SYNE1: variants seen among roughly 807,000 people sequenced by gnomAD.
SYNE1 encodes nesprin-1.
Under a neutral mutation model 1,111.0 loss-of-function variants are expected in SYNE1, and 616 were observed. That is an observed-to-expected ratio of 0.55 (90% CI 0.52 to 0.59). The LOEUF (loss-of-function observed/expected upper bound fraction) is 0.59. SYNE1 is among the 20% of genes least tolerant of loss of function. The pLI, the probability that SYNE1 is intolerant of heterozygous loss-of-function variation, is 0.00. For synonymous variants in SYNE1, 3,855 were observed against 3,825.8 expected (o/e 1.01, Z -0.28); for missense variants, 10,006 against 10,417.0 (o/e 0.96, Z 1.72).
chr6:152,615,914 T>C lies in SYNE1; in HGVS notation c.67+12351A>G, dbSNP rs572514337. ...ATAAGACAAAGTCCAGAGACAGAAA[T>C]TTTCACCGGTGTTTTTGTATGCCAT... On this transcript the variant is annotated intron_variant, in intron 3 of 145. Transcript: ENST00000367255. Among the ~76,000 whole-genome samples, 17 of 152,290 alleles carry C rather than the reference T, an allele frequency of 1.1e-4. No homozygotes were observed. The South Asian group carries it at 3.5e-3, about 32-fold the overall frequency.
At chr6:152,363,330 TA>T (rs1180562941) in intron 63 of SYNE1, among the ~76,000 whole-genome samples, 14 of 148,350 alleles carry the variant, frequency 9.4e-5, no homozygotes, top group African/African-American at 1.7e-4. Context: ...CCGTCTCTAC[TA>T]AAAATACAAA....
At chr6:152,247,854 TAACACACACA>T (rs1207358716) in intron 105 of SYNE1, among the ~76,000 whole-genome samples, 87 of 133,572 alleles carry the variant, frequency 6.5e-4, no homozygotes, top group South Asian at 1.2e-3. Flanking sequence ...AGGTGTTCTT[TAACACACACA>T]CACACACACA....
rs143505528 is a variant in SYNE1 at position 152,463,315 on chromosome 6, C to T, written c.2097+38G>A. 2.0e-3 allele frequency: 3,146 copies of T among 1,611,814 alleles called. 112 individuals are homozygous for T. In the Admixed American group the frequency reaches 0.049, roughly 25 times the overall value. ...CAGACTACTTATCACATTTGTAACA[C>T]ATACACGTTGAGGTGTATATAGACT... On this transcript the variant is annotated intron_variant, in intron 19 of 145. Coordinates refer to ENST00000367255, the MANE Select transcript of SYNE1 (RefSeq NM_182961.4).
chr6:152,182,834 T>G (rs2813510), intron 128 of SYNE1, among the ~76,000 whole-genome samples: 25,650 of 152,140 alleles, frequency 0.17, 2,817 homozygotes, highest in Admixed American at 0.27. Flanking sequence ...CATGAGAAAT[T>G]TATTCTTTTG....
At chr6:152,456,802 A>G (rs1392994766) in intron 22 of SYNE1, 1 of 425,670 alleles carries the variant, frequency 2.3e-6, no homozygotes, top group Non-Finnish European at 4.7e-6. Flanking sequence ...AGTATCCTCA[A>G]CTGCGTTAGA....
chr6:152,321,968 T>C (rs1255541220), intron 82 of SYNE1, 82 bp from the exon 83 acceptor site: 7 of 1,486,316 alleles, frequency 4.7e-6, no homozygotes, highest in Non-Finnish European at 6.6e-6. Flanking sequence ...CCAATACATA[T>C]ATAGAAATGG....
At position 152,421,225 on chromosome 6, in the gene SYNE1, G is replaced by A. The variant is rs558168322; in HGVS notation, c.5268-1503C>T. 3.3e-5 allele frequency among the ~76,000 whole-genome samples: 5 copies of A among 152,320 alleles called. No individual in the cohort carries two copies. The East Asian group carries it at 9.6e-4, about 29-fold the overall frequency. On this transcript the variant is annotated intron_variant, in intron 39 of 145. Transcript: ENST00000367255. ...ATCTCAAGTTATATTAGGACCTTTA[G>A]AAGAAAGGAATTCACCCAATTCATA... is the stretch of plus-strand genomic sequence containing the variant.
Position 152,323,520 on chromosome 6 carries a change from G to C in SYNE1, c.15875C>G (p.Pro5292Arg), listed in dbSNP as rs200626370. 11 of 1,613,982 alleles carry C rather than the reference G, an allele frequency of 6.8e-6. No homozygotes were observed. Among genetic ancestry groups the C allele is most frequent in the Admixed American group, 1.7e-5 (1 of 60,006 alleles). Residue 5292 changes from proline to arginine, a missense_variant, in exon 82 of 146, where the codon CCG (proline) becomes CGG (arginine). Physicochemically the swap from Pro to Arg is moderately radical, Grantham distance 103 (BLOSUM62 -2). Around this residue, in one of 7 missense-constraint regions of SYNE1, gnomAD observed 4,955 missense variants for 5,017.2 expected, o/e 0.99. Coordinates refer to ENST00000367255, the MANE Select transcript of SYNE1 (RefSeq NM_182961.4). Reference sequence around the variant, plus strand: ...CATGGCGGTGATTTCCTGCATGAGCGGAGGCTCTTCCCCAGGGGTTGGGGC... The same window carrying C: ...CATGGCGGTGATTTCCTGCATGAGCCGAGGCTCTTCCCCAGGGGTTGGGGC... ...GAAPTPGEEP[P>R]LMQEITAMQD...
chr6:152,455,014 A>G (rs2098685899), intron 24 of SYNE1, among the ~76,000 whole-genome samples: 1 of 152,212 alleles, frequency 6.6e-6, no homozygotes, highest in Admixed American at 6.5e-5. Flanking sequence ...CAAGTTGTGT[A>G]TCAGCCACCA....
intron 104 of SYNE1, among the ~76,000 whole-genome samples, chr6:152,252,228 C>T (rs1236694884): frequency 6.6e-6 from 1 of 151,954 alleles, no homozygotes; most frequent in African/African-American, 2.4e-5. Context: ...GCTGAGATCT[C>T]CCCATTGCAC....
intron 142 of SYNE1, chr6:152,134,800 G>A: frequency 2.9e-6 from 1 of 343,128 alleles, no homozygotes; most frequent in Non-Finnish European, 5.4e-6. Context: ...GTAACATGAA[G>A]TTTAAATTAA....
rs375325316 is a variant in SYNE1, at chr6:152,207,049, G to A, written c.22825-687C>T. On this transcript the variant is annotated intron_variant, in intron 125 of 145. Transcript: ENST00000367255. ...GAAGGATGTGTGTTGGATATACTAA[G>A]ATTAGGAAGCTATTGTCTATCTGGG... Among the ~76,000 whole-genome samples, 24 of 152,316 alleles carry A rather than the reference G, an allele frequency of 1.6e-4. No homozygotes were observed. The South Asian group carries it at 5.0e-3, about 32-fold the overall frequency.
At chr6:152,506,601 G>A (rs534883722) in intron 8 of SYNE1, among the ~76,000 whole-genome samples, 1 of 151,882 alleles carries the variant, frequency 6.6e-6, no homozygotes, top group South Asian at 2.1e-4. Flanking sequence ...GAGTGCAGTG[G>A]CACAGTCTCG....
At chr6:152,530,247 C>A (rs2099189842) in intron 4 of SYNE1, among the ~76,000 whole-genome samples, 1 of 152,156 alleles carries the variant, frequency 6.6e-6, no homozygotes, top group Non-Finnish European at 1.5e-5. Flanking sequence ...AGTAGCCTTT[C>A]AATAGCTCTT....
In SYNE1 at chr6:152,387,482, T is replaced by C. The variant is rs1016919911; in HGVS notation, c.8178-101A>G. The C allele has an allele frequency of 1.7e-5, 21 of 1,215,222 alleles. No individual in the cohort carries two copies. The African/African-American group carries it at 3.0e-4, about 17-fold the overall frequency. 75.3% of individuals were successfully genotyped at this position (1,215,222 alleles called of 1,614,324 possible). On this transcript the variant is annotated intron_variant, in intron 53 of 145. Coordinates refer to ENST00000367255, the MANE Select transcript of SYNE1 (RefSeq NM_182961.4). ...CATCCATGCCAATTGTTTTATTGAATGCTACTGGAAGTGATGAAAATGTTG... is the reference window on the plus strand; with the variant it reads ...CATCCATGCCAATTGTTTTATTGAACGCTACTGGAAGTGATGAAAATGTTG...
At chr6:152,487,623 G>A (rs1419858151) in intron 12 of SYNE1, among the ~76,000 whole-genome samples, 1 of 152,204 alleles carries the variant, frequency 6.6e-6, no homozygotes, top group Non-Finnish European at 1.5e-5. Context: ...ATGCAATGGT[G>A]TTGGACTAGG....
At position 152,330,108 on chromosome 6, in the gene SYNE1, C is replaced by G. The variant is rs369433602; in HGVS notation, c.14577G>C (p.Gln4859His). Reference sequence around the variant, plus strand: ...ACAGTTTTAACTCCCCTTGCCAGGACTGGATCTGATGCCTGGCTTTCTCAT... The same window carrying G: ...ACAGTTTTAACTCCCCTTGCCAGGAGTGGATCTGATGCCTGGCTTTCTCAT... ...LAYEKARHQI[Q>H]SWQGELKLLT... Residue 4859 changes from glutamine (Q) to histidine (H), a missense_variant, in exon 78 of 146, where the codon CAG (glutamine) becomes CAC (histidine). Transcript: ENST00000367255. The G allele has an allele frequency of 3.3e-5, 54 of 1,614,086 alleles. No individual in the cohort carries two copies. The highest frequency in any genetic ancestry group is 4.4e-5 in the Non-Finnish European group (52 of 1,180,058).
At position 152,326,443 on chromosome 6, in the gene SYNE1, A is replaced by C; in HGVS notation, c.15146T>G (p.Leu5049Arg). The C allele has an allele frequency of 6.2e-7, 1 of 1,614,180 alleles. No homozygotes were observed. The highest frequency in any genetic ancestry group is 8.5e-7 in the Non-Finnish European group (1 of 1,180,048). The change falls in exon 79 of 146, where the codon CTG (leucine) becomes CGG (arginine). Residue 5049 changes from leucine (L) to arginine (R), a missense_variant. Leu to Arg is a moderately radical substitution (Grantham distance 102, BLOSUM62 -2). This residue lies in a region of SYNE1 where 4,955 missense variants were observed against 5,017.2 expected (regional missense o/e 0.99). Coordinates refer to ENST00000367255, the MANE Select transcript of SYNE1 (RefSeq NM_182961.4). ...GGCTACCAGGCTGTGGAGCTCCTCC[A>C]GGTTACTATGGAACTGATCCTCTGT... is the stretch of plus-strand genomic sequence containing the variant. ...FSTEDQFHSNLEELHSLVATL... is the reference protein window; with the variant it reads ...FSTEDQFHSNREELHSLVATL...
chr6:152,300,156 C>G (rs940311085), intron 93 of SYNE1, among the ~76,000 whole-genome samples: 8 of 152,040 alleles, frequency 5.3e-5, no homozygotes, highest in Non-Finnish European at 1.2e-4. Flanking sequence ...ATAAATATGG[C>G]AGACATTCCT....
Sources: gnomAD v4.1 joint callset for allele counts (sites outside exome capture counted in the v4.1 genomes callset) on GRCh38, gnomAD v4.1.1 for gene constraint, gnomAD v4.1.1 regional missense constraint, MANE v1.5 for transcripts, NCBI Gene and HGNC (gene_info 2026-07-23, HGNC 2026-07-21) for gene names.